NEGR1: variants seen among roughly 807,000 people sequenced by gnomAD.
The protein encoded by NEGR1 is neuronal growth regulator 1.
NEGR1 carries 10 observed loss-of-function variants against 40.9 expected under a neutral mutation model. The observed-to-expected ratio is 0.24, with a 90% CI of 0.15 to 0.42. The LOEUF (loss-of-function observed/expected upper bound fraction) is 0.42. Among genes scored for constraint, NEGR1 ranks in the 10% least tolerant of loss-of-function variants. The probability of loss-of-function intolerance (pLI) is 1.00; values close to 1 mark genes in which losing one functional copy is unlikely to be tolerated. For synonymous variants in NEGR1, 185 were observed against 166.8 expected (o/e 1.11, Z -0.84); for missense variants, 352 against 438.9 (o/e 0.80, Z 1.77).
intron 1 of NEGR1, among the ~76,000 whole-genome samples, chr1:72,010,611 C>G (rs1052411518): frequency 2.0e-5 from 3 of 151,852 alleles, no homozygotes; most frequent in Admixed American, 6.6e-5. Context: ...CTCCCTCCCC[C>G]CAACCCCTTT....
intron 6 of NEGR1, among the ~76,000 whole-genome samples, chr1:71,547,398 G>A (rs1039069359): frequency 4.0e-5 from 6 of 151,670 alleles, no homozygotes; most frequent in African/African-American, 1.2e-4. Context: ...CAAAGTTACC[G>A]GAGTGAAAAA....
At chr1:72,192,229 A>G (rs1316603344) in intron 1 of NEGR1, among the ~76,000 whole-genome samples, 1 of 151,836 alleles carries the variant, frequency 6.6e-6, no homozygotes, top group African/African-American at 2.4e-5. Flanking sequence ...GTCATGTGCG[A>G]CAAGATGTAT....
intron 1 of NEGR1, among the ~76,000 whole-genome samples, chr1:72,215,184 C>A (rs925348615): frequency 3.9e-5 from 6 of 151,988 alleles, no homozygotes; most frequent in African/African-American, 1.4e-4. Context: ...GAAACTGGAC[C>A]CCTTCCTTAG....
intron 3 of NEGR1, among the ~76,000 whole-genome samples, chr1:71,729,487 T>C (rs1570267892): frequency 6.6e-6 from 1 of 152,196 alleles, no homozygotes; most frequent in East Asian, 1.9e-4. Context: ...TCTATTTTGC[T>C]CACTATTTGT....
intron 1 of NEGR1, among the ~76,000 whole-genome samples, chr1:72,083,170 G>A (rs116474041): frequency 0.025 from 3,760 of 152,016 alleles, 148 homozygotes; most frequent in African/African-American, 0.085. Flanking sequence ...AAAATATTTA[G>A]TATTAACTGA....
At chr1:72,079,275 A>G (rs993858940) in intron 1 of NEGR1, among the ~76,000 whole-genome samples, 7 of 151,878 alleles carry the variant, frequency 4.6e-5, no homozygotes, top group African/African-American at 1.7e-4. Context: ...TAGTTGCTTA[A>G]TAATCAGATC....
intron 2 of NEGR1, among the ~76,000 whole-genome samples, chr1:71,857,439 C>T (rs1659808881): frequency 7.5e-6 from 1 of 134,192 alleles, no homozygotes; most frequent in South Asian, 2.4e-4. Context: ...TAGTCAAATC[C>T]TATCTCTACA....
chr1:71,925,066 T>C (rs966023955), intron 2 of NEGR1, among the ~76,000 whole-genome samples: 2 of 152,122 alleles, frequency 1.3e-5, no homozygotes, highest in African/African-American at 4.8e-5. Flanking sequence ...GACACCATCC[T>C]GGTTGAGAGT....
chr1:71,924,900 CTTA>C (rs1645758066), intron 2 of NEGR1, among the ~76,000 whole-genome samples: 1 of 145,516 alleles, frequency 6.9e-6, no homozygotes. Context: ...TTTTTTTTTT[CTTA>C]TTATGTCAGC....
At chr1:72,271,617 G>C (rs963732563) in intron 1 of NEGR1, among the ~76,000 whole-genome samples, 3 of 151,758 alleles carry the variant, frequency 2.0e-5, no homozygotes, top group Admixed American at 1.3e-4. Flanking sequence ...ATATACACTT[G>C]GATGAAAAAT....
intron 1 of NEGR1, among the ~76,000 whole-genome samples, chr1:72,069,375 C>T (rs931348498): frequency 6.6e-6 from 1 of 151,858 alleles, no homozygotes; most frequent in African/African-American, 2.4e-5. Context: ...GCCCAGAAGG[C>T]AGAGGTTGCA....
chr1:72,064,223 T>C (rs1168036256), intron 1 of NEGR1, among the ~76,000 whole-genome samples: 2 of 151,992 alleles, frequency 1.3e-5, no homozygotes, highest in Non-Finnish European at 2.9e-5. Flanking sequence ...ACAAATCATA[T>C]TGCCTTTCCA....
chr1:71,479,341 T>C (rs923949001), intron 6 of NEGR1, among the ~76,000 whole-genome samples: 2 of 151,960 alleles, frequency 1.3e-5, no homozygotes, highest in African/African-American at 2.4e-5. Context: ...TACTCACTTA[T>C]GCACTACAGC....
chr1:72,011,663 T>C (rs1646658558), intron 1 of NEGR1, among the ~76,000 whole-genome samples: 1 of 152,172 alleles, frequency 6.6e-6, no homozygotes, highest in Non-Finnish European at 1.5e-5. Context: ...GCATGTTCAC[T>C]TCAAGTAACA....
chr1:71,735,149 A>G (rs1557632609), intron 3 of NEGR1, among the ~76,000 whole-genome samples: 1 of 152,116 alleles, frequency 6.6e-6, no homozygotes, highest in African/African-American at 2.4e-5. Context: ...CTATCTCAGC[A>G]TGAGTTTTTC....
At chr1:71,813,939 A>AGAAAGC (rs1658101282) in intron 2 of NEGR1, among the ~76,000 whole-genome samples, 1 of 152,026 alleles carries the variant, frequency 6.6e-6, no homozygotes, top group Admixed American at 6.6e-5. Context: ...CTCTTGCCTG[A>AGAAAGC]TTGCCCTTGC....
chr1:72,128,122 T>C (rs1275333704), intron 1 of NEGR1, among the ~76,000 whole-genome samples: 1 of 152,154 alleles, frequency 6.6e-6, no homozygotes, highest in Non-Finnish European at 1.5e-5. Flanking sequence ...CATATTGCCT[T>C]TGATGACCAC....
At chr1:72,144,509 A>G (rs1315257284) in intron 1 of NEGR1, among the ~76,000 whole-genome samples, 2 of 151,948 alleles carry the variant, frequency 1.3e-5, no homozygotes, top group Non-Finnish European at 2.9e-5. Flanking sequence ...CAGGACATAT[A>G]ATTAATATGT....
intron 3 of NEGR1, among the ~76,000 whole-genome samples, chr1:71,724,904 T>G (rs1654624045): frequency 6.6e-6 from 1 of 152,082 alleles, no homozygotes; most frequent in Non-Finnish European, 1.5e-5. Flanking sequence ...TCTCCTTTCT[T>G]CAGTGAGTCT....
Sources: gnomAD v4.1 joint callset for allele counts (sites outside exome capture counted in the v4.1 genomes callset) on GRCh38, gnomAD v4.1.1 for gene constraint, MANE v1.5 for transcripts, NCBI Gene and HGNC (gene_info 2026-07-23, HGNC 2026-07-21) for gene names.